KIAA1549: variants seen among roughly 807,000 people sequenced by gnomAD.
KIAA1549 encodes KIAA1549, also known as UPF0606 protein KIAA1549.
In KIAA1549, 70 loss-of-function variants were observed where a neutral mutation model predicts 156.4. That is an observed-to-expected ratio of 0.45 (90% CI 0.37 to 0.55). KIAA1549 has a LOEUF of 0.55. KIAA1549 is among the 20% of genes least tolerant of loss of function. The probability of loss-of-function intolerance (pLI) is 0.00; values close to 1 mark genes in which losing one functional copy is unlikely to be tolerated. For synonymous variants in KIAA1549, 1,103 were observed against 1,066.4 expected (o/e 1.03, Z -0.67); for missense variants, 2,428 against 2,540.9 (o/e 0.96, Z 0.96).
intron 10 of KIAA1549, among the ~76,000 whole-genome samples, chr7:138,894,091 T>C (rs1563066301): frequency 6.6e-6 from 1 of 152,146 alleles, no homozygotes; most frequent in Non-Finnish European, 1.5e-5. Context: ...AATAAAATCA[T>C]AGTAGAACCC....
At chr7:138,912,825 G>A (rs764953829) in intron 2 of KIAA1549, among the ~76,000 whole-genome samples, 78 of 152,072 alleles carry the variant, frequency 5.1e-4, no homozygotes, top group Middle Eastern at 3.2e-3. Context: ...GCTGTCTCTC[G>A]GCTATGTCCC....
chr7:138,929,947 G>A (rs1307182607), intron 1 of KIAA1549, among the ~76,000 whole-genome samples: 1 of 151,972 alleles, frequency 6.6e-6, no homozygotes, highest in African/African-American at 2.4e-5. Context: ...CTCCTGCCTC[G>A]GCCTCCCAAA....
chr7:138,869,563 AGG>A lies in KIAA1549; in HGVS notation c.4748_4749del (p.Pro1583LeufsTer32). ...DKILDPTASV[P>X]SVFIEPRKSS... is the part of the protein sequence containing the mutation. ...CTCTTCCTGGGCTCTATGAACACGG[AGG>A]GCACGCTGGCCGTGGGGTCCAGGAT... On this transcript the variant is annotated frameshift_variant, in exon 14 of 20. Coordinates refer to ENST00000422774, the MANE Select transcript of KIAA1549 (RefSeq NM_001164665.2). LOFTEE classifies it high-confidence loss of function. 1 of 1,581,606 alleles carries A rather than the reference AGG, an allele frequency of 6.3e-7. No individual in the cohort carries two copies. Among genetic ancestry groups the A allele is most frequent in the Non-Finnish European group, 8.6e-7 (1 of 1,165,122 alleles).
chr7:138,963,781 A>G (rs1029111096), intron 1 of KIAA1549, among the ~76,000 whole-genome samples: 1 of 152,230 alleles, frequency 6.6e-6, no homozygotes, highest in East Asian at 1.9e-4. Context: ...CACTAACTTA[A>G]TTAACGGAGG....
chr7:138,961,978 T>C (rs1475233372), intron 1 of KIAA1549, among the ~76,000 whole-genome samples: 1 of 152,050 alleles, frequency 6.6e-6, no homozygotes, highest in Non-Finnish European at 1.5e-5. Context: ...CCTAAACCTG[T>C]AGCCATCACT....
In KIAA1549 at chr7:138,836,089, A is replaced by G. The variant is rs1809698221; in HGVS notation, c.*1817T>C. On this transcript the variant is annotated 3_prime_UTR_variant, in exon 20 of 20. Transcript: ENST00000422774. ...TTTTAGCTGTTTCAGGGGTCTTAAA[A>G]CTTGACACAGATACACAGGTTTTGA... The G allele has an allele frequency of 4.7e-6, 1 of 213,298 alleles. No individual in the cohort carries two copies. The highest frequency in any genetic ancestry group is 2.3e-5 in the African/African-American group (1 of 44,208). 13.2% of individuals were successfully genotyped at this position (213,298 alleles called of 1,614,324 possible). A position where few individuals can be genotyped will look rare whatever the true frequency, so the allele number is the denominator to read the frequency against.
At chr7:138,897,859 C>T (rs955574714) in intron 9 of KIAA1549, among the ~76,000 whole-genome samples, 1 of 128,022 alleles carries the variant, frequency 7.8e-6, no homozygotes, top group Non-Finnish European at 1.6e-5. Context: ...AGCCACTGCA[C>T]TCCAGCCTGG....
chr7:138,971,319 T>C (rs146961686), intron 1 of KIAA1549, among the ~76,000 whole-genome samples: 227 of 152,190 alleles, frequency 1.5e-3, no homozygotes, highest in African/African-American at 4.8e-3. Context: ...CCTCCACCAA[T>C]AGACCCATAC....
At chr7:138,977,696 A>G (rs1389716010) in intron 1 of KIAA1549, among the ~76,000 whole-genome samples, 1 of 145,842 alleles carries the variant, frequency 6.9e-6, no homozygotes, top group Non-Finnish European at 1.5e-5. Context: ...GGAAAGAAAC[A>G]TGCACAAAGC....
chr7:138,893,436 C>G (rs1012015090), intron 10 of KIAA1549, among the ~76,000 whole-genome samples: 2 of 152,136 alleles, frequency 1.3e-5, no homozygotes, highest in Admixed American at 1.3e-4. Context: ...TTGCTCTTCT[C>G]TAAAGAAACC....
rs538170892 is a variant in KIAA1549, at chr7:138,871,223, C to T, written c.4485G>A (p.Pro1495=). Residue 1495 remains proline, a synonymous_variant, in exon 13 of 20, where the codon CCG becomes CCA. Coordinates refer to ENST00000422774, the MANE Select transcript of KIAA1549 (RefSeq NM_001164665.2). ...GGGAGGGGCGCTGGACGGGAGGTGC[C>T]GGGATCGGCTGCATGGCGATAAGCT... is the stretch of plus-strand genomic sequence containing the variant. ...KIQLIAMQPI[P]APPVQRPSPA... The T allele has an allele frequency of 9.3e-6, 15 of 1,613,294 alleles. No individual in the cohort carries two copies. The South Asian group carries it at 9.9e-5, about 11-fold the overall frequency.
At chr7:138,905,785 G>T (rs1378964345) in intron 6 of KIAA1549, among the ~76,000 whole-genome samples, 1 of 151,958 alleles carries the variant, frequency 6.6e-6, no homozygotes, top group Non-Finnish European at 1.5e-5. Context: ...CTTCAGTCAG[G>T]AAGAAAGGTT....
At chr7:138,909,210 A>C (rs1326349878) in intron 4 of KIAA1549, 89 bp from the exon 5 acceptor site, 1 of 1,315,866 alleles carries the variant, frequency 7.6e-7, no homozygotes, top group Non-Finnish European at 1.1e-6. Context: ...ATCGTATCTA[A>C]ATCAACCAAT....
intron 10 of KIAA1549, among the ~76,000 whole-genome samples, chr7:138,889,341 G>T (rs954142428): frequency 1.3e-5 from 2 of 152,134 alleles, no homozygotes; most frequent in Admixed American, 1.3e-4. Flanking sequence ...ATGTAGGAAA[G>T]AAACATGACA....
At position 138,883,228 on chromosome 7, in the gene KIAA1549, G is replaced by A. The variant is rs117290124; in HGVS notation, c.4033-1644C>T. Among the ~76,000 whole-genome samples, 500 of 143,076 alleles carry A rather than the reference G, an allele frequency of 3.5e-3. 13 individuals are homozygous for A. In the East Asian group the frequency reaches 0.077, roughly 22 times the overall value. The allele number at this position is 143,076 out of a possible 152,430, so 93.9% of individuals were successfully genotyped here. On this transcript the variant is annotated intron_variant, in intron 10 of 19. Coordinates refer to ENST00000422774, the MANE Select transcript of KIAA1549 (RefSeq NM_001164665.2). The stretch of plus-strand genomic sequence containing the variant: ...TTGGAGATTTCAGTAAACTGAGATC[G>A]CGCCACTGCACTCCAGCCCAGGTGA...
chr7:138,911,516 G>A (rs545142197), intron 3 of KIAA1549, among the ~76,000 whole-genome samples, 193 bp from the exon 4 acceptor site: 1 of 152,236 alleles, frequency 6.6e-6, no homozygotes, highest in East Asian at 1.9e-4. Context: ...AAAATTATAA[G>A]AGCAGCAAGA....
chr7:138,865,088 C>T (rs1259221167), intron 15 of KIAA1549, among the ~76,000 whole-genome samples: 1 of 152,072 alleles, frequency 6.6e-6, no homozygotes, highest in African/African-American at 2.4e-5. Flanking sequence ...ATTAGCCAGG[C>T]AAGGTGGCAT....
chr7:138,840,220 T>C lies in KIAA1549; in HGVS notation c.5511A>G (p.Pro1837=). 2 of 1,583,336 alleles carry C rather than the reference T, an allele frequency of 1.3e-6. No individual in the cohort carries two copies. Among genetic ancestry groups the C allele is most frequent in the Non-Finnish European group, 1.7e-6 (2 of 1,164,764 alleles). ...VGIASRIGAQ[P]VEIPPSRGSQ... ...TGCCTCTGCTTGGCGGGATTTCCACTGGCTGAGCTCCAATTCTGCTGGCAA... is the reference window on the plus strand; with the variant it reads ...TGCCTCTGCTTGGCGGGATTTCCACCGGCTGAGCTCCAATTCTGCTGGCAA... The change falls in exon 19 of 20, where the codon CCA becomes CCG. Residue 1837 remains proline, a synonymous_variant. Coordinates refer to ENST00000422774, the MANE Select transcript of KIAA1549 (RefSeq NM_001164665.2).
rs986429550 is a variant in KIAA1549 at position 138,834,131 on chromosome 7, T to G, written c.*3775A>C. 5.6e-5 allele frequency: 12 copies of G among 215,128 alleles called. No individual in the cohort carries two copies. Among genetic ancestry groups the G allele is most frequent in the Non-Finnish European group, 8.4e-5 (9 of 106,640 alleles). The allele number at this position is 215,128 out of a possible 1,614,324, so 13.3% of individuals were successfully genotyped here. On this transcript the variant is annotated 3_prime_UTR_variant, in exon 20 of 20. Coordinates refer to ENST00000422774, the MANE Select transcript of KIAA1549 (RefSeq NM_001164665.2). ...GCATTTCCAAACATGCAACTTCTTC[T>G]GGGTGCCTAATTCATTTATGTCTTT...
Sources: gnomAD v4.1 joint callset for allele counts (sites outside exome capture counted in the v4.1 genomes callset) on GRCh38, gnomAD v4.1.1 for gene constraint, MANE v1.5 for transcripts, NCBI Gene and HGNC (gene_info 2026-07-23, HGNC 2026-07-21) for gene names.